C12orf42: variants seen among roughly 807,000 people sequenced by gnomAD.
C12orf42 encodes the protein chromosome 12 open reading frame 42.
A neutral mutation model predicts 21.6 loss-of-function variants in C12orf42; 25 were observed. The ratio of observed to expected loss-of-function variants is 1.16; its 90% CI spans 0.84 to 1.62. C12orf42 has a LOEUF of 1.62. Among genes scored for constraint, C12orf42 ranks in the 40% most tolerant of loss-of-function variants. The pLI, the probability that C12orf42 is intolerant of heterozygous loss-of-function variation, is 0.00. For missense variants in C12orf42, 483 were observed against 459.3 expected (o/e 1.05, Z -0.47); for synonymous variants, 174 against 175.0 (o/e 0.99, Z 0.05).
intron 1 of C12orf42, among the ~76,000 whole-genome samples, chr12:103,489,895 C>G (rs1861870823): frequency 6.6e-6 from 1 of 152,242 alleles, no homozygotes; most frequent in South Asian, 2.1e-4. Context: ...CCCCTGACCC[C>G]TTGCACCTCC....
At chr12:103,128,461 T>G in the C12orf42 span, among the ~76,000 whole-genome samples, 1 of 152,190 alleles carries the variant, frequency 6.6e-6, no homozygotes, top group African/African-American at 2.4e-5. Flanking sequence ...AAGTTTAATC[T>G]TGCAACACAT....
intron 4 of C12orf42, among the ~76,000 whole-genome samples, chr12:103,321,578 C>A (rs1297233519): frequency 7.0e-6 from 1 of 143,378 alleles, no homozygotes; most frequent in Non-Finnish European, 1.5e-5. Flanking sequence ...ATGTTTATTG[C>A]GGCACTATTC....
the C12orf42 span, among the ~76,000 whole-genome samples, chr12:103,059,049 G>GA: frequency 6.6e-6 from 1 of 152,006 alleles, no homozygotes; most frequent in Non-Finnish European, 1.5e-5. Flanking sequence ...CTTGTTCTTT[G>GA]AAAAAATTAA....
At chr12:103,297,904 AC>A (rs1490524603), downstream of C12orf42, among the ~76,000 whole-genome samples, 10 of 149,234 alleles carry the variant, frequency 6.7e-5, no homozygotes, top group East Asian at 1.9e-4. Context: ...AAATTCAACA[AC>A]CCTTCATGCT....
chr12:103,451,382 ATT>A (rs1951933495), intron 2 of C12orf42, among the ~76,000 whole-genome samples: 1 of 151,880 alleles, frequency 6.6e-6, no homozygotes, highest in African/African-American at 2.4e-5. Flanking sequence ...GTGCCCACCT[ATT>A]TTTTATTTTT....
chr12:103,352,265 G>T (rs1312926049), intron 4 of C12orf42, among the ~76,000 whole-genome samples: 1 of 152,112 alleles, frequency 6.6e-6, no homozygotes, highest in African/African-American at 2.4e-5. Flanking sequence ...GGCCAAGTAG[G>T]CTAAGAGAAA....
intron 4 of C12orf42, among the ~76,000 whole-genome samples, chr12:103,294,501 GAA>G (rs2037070490): frequency 7.3e-6 from 1 of 137,706 alleles, no homozygotes; most frequent in South Asian, 2.4e-4. Context: ...AAGAAAGAAA[GAA>G]AGAAAAAGAA....
At chr12:103,276,054 C>T (rs949789758) in intron 5 of C12orf42, among the ~76,000 whole-genome samples, 1 of 152,110 alleles carries the variant, frequency 6.6e-6, no homozygotes, top group African/African-American at 2.4e-5. Context: ...GCCTGGGTGA[C>T]AGGGCAAGAT....
chr12:103,481,785 G>C (rs942547638), intron 1 of C12orf42, among the ~76,000 whole-genome samples: 1 of 147,806 alleles, frequency 6.8e-6, no homozygotes, highest in African/African-American at 2.5e-5. Context: ...ACGTGTCCTG[G>C]TTCTTCTGTT....
intron 2 of C12orf42, among the ~76,000 whole-genome samples, chr12:103,477,306 T>A (rs893721119): frequency 6.6e-6 from 1 of 151,854 alleles, no homozygotes; most frequent in East Asian, 1.9e-4. Context: ...GCCATAAGAA[T>A]CTCTCGGTGA....
At chr12:103,401,526 A>T (rs2047991000) in intron 3 of C12orf42, 81 bp downstream of exon 3, 3 of 1,164,526 alleles carry the variant, frequency 2.6e-6, no homozygotes, top group Non-Finnish European at 3.8e-6. Context: ...CAAAGAAACA[A>T]ATCTGCTTAC....
intron 2 of C12orf42, among the ~76,000 whole-genome samples, chr12:103,444,384 G>C (rs1378170526): frequency 1.3e-5 from 2 of 152,046 alleles, no homozygotes; most frequent in Non-Finnish European, 2.9e-5. Flanking sequence ...AAAATTAGAA[G>C]CATTTTAAAC....
chr12:103,075,786 G>A, the C12orf42 span, among the ~76,000 whole-genome samples: 1 of 152,282 alleles, frequency 6.6e-6, no homozygotes, highest in Non-Finnish European at 1.5e-5. Context: ...CCAGGGTAGT[G>A]TTTATGGGAG....
At chr12:103,420,071 AG>A (rs2049740438) in intron 2 of C12orf42, among the ~76,000 whole-genome samples, 1 of 152,226 alleles carries the variant, frequency 6.6e-6, no homozygotes, top group Admixed American at 6.5e-5. Context: ...ACATTTCTTT[AG>A]AAAGGAAATG....
chr12:103,549,176 C>T, the C12orf42 span, among the ~76,000 whole-genome samples: 6 of 151,062 alleles, frequency 4.0e-5, no homozygotes, highest in Admixed American at 4.0e-4. Context: ...CAGAGTTAGT[C>T]CTTCCTTCTC....
At chr12:103,179,593 A>T in the C12orf42 span, among the ~76,000 whole-genome samples, 1 of 152,200 alleles carries the variant, frequency 6.6e-6, no homozygotes, top group Admixed American at 6.5e-5. Context: ...TTATTGCACC[A>T]TGGAGAGTCC....
chr12:103,302,481 G>A lies in C12orf42; in HGVS notation c.710C>T (p.Pro237Leu), dbSNP rs1478186611. Reference sequence around the variant, plus strand: ...CTCCGGCTCGAGCTCTGTGTTACTCGGGCCGGTGCTCTGCAGAGCGCCGGG... The same window carrying A: ...CTCCGGCTCGAGCTCTGTGTTACTCAGGCCGGTGCTCTGCAGAGCGCCGGG... ...QTPGALQSTG[P>L]SNTELEPEER... Residue 237 changes from proline (P) to leucine (L), a missense_variant, in exon 6 of 6, where the codon CCG (proline) becomes CTG (leucine). Pro to Leu is a moderately conservative substitution (Grantham distance 98). Coordinates refer to ENST00000548883, the MANE Select transcript of C12orf42 (RefSeq NM_198521.5). The A allele has an allele frequency of 5.6e-6, 9 of 1,613,356 alleles. No homozygotes were observed. The highest frequency in any genetic ancestry group is 1.3e-5 in the African/African-American group (1 of 74,824).
At chr12:103,397,688 T>C (rs2047651963) in intron 3 of C12orf42, 1 of 152,208 alleles carries the variant, frequency 6.6e-6, no homozygotes, top group African/African-American at 2.4e-5. Context: ...CAGTCTCTAA[T>C]TTCATACCTT....
At chr12:103,276,458 G>T (rs554178193) in intron 5 of C12orf42, among the ~76,000 whole-genome samples, 1 of 152,298 alleles carries the variant, frequency 6.6e-6, no homozygotes, top group East Asian at 1.9e-4. Context: ...TTGCAAGAGT[G>T]AACTTCCCAT....
Sources: allele counts gnomAD v4.1 joint callset (sites outside exome capture counted in the v4.1 genomes callset), GRCh38; gene constraint gnomAD v4.1.1; transcripts MANE v1.5; gene names NCBI Gene and HGNC (gene_info 2026-07-23, HGNC 2026-07-21).